Variants in ADAMTS6 observed in about 807,000 individuals in gnomAD.
The protein encoded by ADAMTS6 is ADAM metallopeptidase with thrombospondin type 1 motif 6, also known as A disintegrin and metalloproteinase with thrombospondin motifs 6.
Under a neutral mutation model 144.3 loss-of-function variants are expected in ADAMTS6, and 23 were observed. The ratio of observed to expected loss-of-function variants is 0.16; its 90% CI spans 0.11 to 0.23. The LOEUF is 0.23. Among genes scored for constraint, ADAMTS6 ranks in the 10% least tolerant of loss-of-function variants. The pLI is 1.00. For missense variants in ADAMTS6, 999 were observed against 1,379.6 expected (o/e 0.72, Z 4.37); for synonymous variants, 444 against 457.5 (o/e 0.97, Z 0.38).
At chr5:65,350,293 A>G (rs879856948) in intron 7 of ADAMTS6, among the ~76,000 whole-genome samples, 2 of 152,206 alleles carry the variant, frequency 1.3e-5, no homozygotes, top group African/African-American at 2.4e-5. Context: ...GATTGAGAAC[A>G]TCTGGCCTCC....
At chr5:65,249,869 G>A (rs1283050518) in intron 14 of ADAMTS6, among the ~76,000 whole-genome samples, 5 of 152,208 alleles carry the variant, frequency 3.3e-5, no homozygotes, top group African/African-American at 9.6e-5. Flanking sequence ...GGCAAGATGT[G>A]TAGTTTCAGA....
chr5:65,421,112 G>A (rs954566272), intron 7 of ADAMTS6, among the ~76,000 whole-genome samples: 1 of 152,162 alleles, frequency 6.6e-6, no homozygotes, highest in South Asian at 2.1e-4. Flanking sequence ...TCACCACGTT[G>A]ACTGTTATCA....
chr5:65,379,999 C>G (rs1416997149), intron 7 of ADAMTS6, among the ~76,000 whole-genome samples: 1 of 152,028 alleles, frequency 6.6e-6, no homozygotes, highest in African/African-American at 2.4e-5. Context: ...CTTACTGACT[C>G]ATGACGACTG....
intron 7 of ADAMTS6, among the ~76,000 whole-genome samples, chr5:65,425,046 G>C (rs1756393823): frequency 6.6e-6 from 1 of 152,090 alleles, no homozygotes; most frequent in Non-Finnish European, 1.5e-5. Flanking sequence ...GCCCAGGCTG[G>C]AGTGCAATGG....
At chr5:65,255,481 A>G (rs1760568035) in intron 14 of ADAMTS6, among the ~76,000 whole-genome samples, 1 of 152,052 alleles carries the variant, frequency 6.6e-6, no homozygotes, top group Non-Finnish European at 1.5e-5. Flanking sequence ...CTTAGCTCCC[A>G]CTTATGGCTG....
At chr5:65,253,011 C>T (rs1284225236) in intron 14 of ADAMTS6, among the ~76,000 whole-genome samples, 1 of 152,110 alleles carries the variant, frequency 6.6e-6, no homozygotes, top group African/African-American at 2.4e-5. Flanking sequence ...TTTCAGCCTC[C>T]CAAGTAGCTG....
At chr5:65,258,560 G>A (rs773372036) in intron 14 of ADAMTS6, among the ~76,000 whole-genome samples, 1 of 152,170 alleles carries the variant, frequency 6.6e-6, no homozygotes, top group Non-Finnish European at 1.5e-5. Context: ...GGATAGCAAA[G>A]GGGAATCCTC....
intron 10 of ADAMTS6, among the ~76,000 whole-genome samples, chr5:65,297,782 A>T (rs556949793): frequency 2.6e-5 from 4 of 152,278 alleles, no homozygotes; most frequent in Admixed American, 2.6e-4. Context: ...GATTATAATC[A>T]GATTTGTTTA....
intron 14 of ADAMTS6, among the ~76,000 whole-genome samples, chr5:65,249,140 T>C (rs377694846): frequency 1.7e-4 from 26 of 152,228 alleles, no homozygotes; most frequent in African/African-American, 6.3e-4. Context: ...GCAATTATTA[T>C]ATTGCCTCTC....
intron 7 of ADAMTS6, among the ~76,000 whole-genome samples, chr5:65,422,554 G>A (rs1485629863): frequency 2.0e-5 from 3 of 152,024 alleles, no homozygotes; most frequent in South Asian, 2.1e-4. Flanking sequence ...CCCAGGAGGC[G>A]GAGGTTGCAG....
Position 65,298,774 on chromosome 5 carries a change from C to T in ADAMTS6, c.1370+1211G>A, listed in dbSNP as rs570648461. On this transcript the variant is annotated intron_variant, in intron 10 of 24. Transcript: ENST00000381055. Reference sequence around the variant, plus strand: ...TTACATTAAAAGAGCTCATTTTAAACATTTATCTTTTGATTTGTTTTTTAA... The same window carrying T: ...TTACATTAAAAGAGCTCATTTTAAATATTTATCTTTTGATTTGTTTTTTAA... 5.9e-5 allele frequency among the ~76,000 whole-genome samples: 9 copies of T among 152,098 alleles called. No homozygotes were observed. In the South Asian group the frequency reaches 1.9e-3, roughly 32 times the overall value.
Position 65,473,644 on chromosome 5 carries a change from C to A in ADAMTS6, c.30G>T (p.Trp10Cys). ...ATGAAGCCATGATGAGGCTCAAAAT[C>A]CAGGTCAACGTCTTCCACAAAATTT... Reference protein sequence around the residue: MEILWKTLTWILSLIMASSE... With the variant: MEILWKTLTCILSLIMASSE... The change falls in exon 2 of 25, where the codon TGG becomes TGT. Residue 10 changes from tryptophan to cysteine, a missense_variant. By Grantham distance (215) the Trp-to-Cys change is radical. Around this residue, in one of 3 missense-constraint regions of ADAMTS6, gnomAD observed 252 missense variants for 293.7 expected, o/e 0.86. Coordinates refer to ENST00000381055, the MANE Select transcript of ADAMTS6 (RefSeq NM_197941.4). 6.2e-7 allele frequency: 1 copy of A among 1,613,714 alleles called. No homozygotes were observed. The highest frequency in any genetic ancestry group is 8.5e-7 in the Non-Finnish European group (1 of 1,179,694).
At chr5:65,474,555 T>A (rs1760707349) in intron 1 of ADAMTS6, among the ~76,000 whole-genome samples, 1 of 151,970 alleles carries the variant, frequency 6.6e-6, no homozygotes, top group African/African-American at 2.4e-5. Flanking sequence ...AACTCGTGAG[T>A]CAATTTCAAC....
At position 65,241,649 on chromosome 5, in the gene ADAMTS6, T is replaced by C. The variant is rs150857938; in HGVS notation, c.1933+455A>G. Reference sequence around the variant, plus strand: ...TTAAAGAGCAAAAATGTTTTCTAACTCTGAAAAAGAATAACAATAATCTTG... The same window carrying C: ...TTAAAGAGCAAAAATGTTTTCTAACCCTGAAAAAGAATAACAATAATCTTG... On this transcript the variant is annotated intron_variant, in intron 15 of 24. Transcript: ENST00000381055. Among the ~76,000 whole-genome samples, 1,204 of 152,246 alleles carry C rather than the reference T, an allele frequency of 7.9e-3. 15 individuals carry two copies. Among genetic ancestry groups the C allele is most frequent in the African/African-American group, 0.027 (1,126 of 41,530 alleles).
At chr5:65,185,687 C>A (rs148942251) in intron 22 of ADAMTS6, among the ~76,000 whole-genome samples, 235 of 152,236 alleles carry the variant, frequency 1.5e-3, no homozygotes, top group African/African-American at 5.3e-3. Context: ...CCTCTTAGAG[C>A]CATTTGAGTG....
At chr5:65,288,511 G>C (rs992957710) in intron 11 of ADAMTS6, among the ~76,000 whole-genome samples, 12 of 151,792 alleles carry the variant, frequency 7.9e-5, no homozygotes, top group African/African-American at 9.7e-5. Context: ...GTAGAGATGA[G>C]GTTTCACCAT....
chr5:65,346,036 T>G (rs76001857), intron 7 of ADAMTS6, among the ~76,000 whole-genome samples: 2,155 of 152,014 alleles, frequency 0.014, 34 homozygotes, highest in East Asian at 0.083. Context: ...TATGAAATCT[T>G]CTGCTGCATC....
intron 7 of ADAMTS6, among the ~76,000 whole-genome samples, chr5:65,432,936 A>G (rs1324002586): frequency 6.6e-6 from 1 of 152,132 alleles, no homozygotes; most frequent in Non-Finnish European, 1.5e-5. Context: ...GAATGAATCA[A>G]TTAATGAATT....
chr5:65,462,358 G>C (rs1324646719), intron 3 of ADAMTS6, among the ~76,000 whole-genome samples: 1 of 152,152 alleles, frequency 6.6e-6, no homozygotes, highest in African/African-American at 2.4e-5. Flanking sequence ...CAAGAGACTT[G>C]ATTTGCTGGG....
Sources: gnomAD v4.1 joint callset for allele counts (sites outside exome capture counted in the v4.1 genomes callset) on GRCh38, gnomAD v4.1.1 for gene constraint, gnomAD v4.1.1 regional missense constraint, MANE v1.5 for transcripts, NCBI Gene and HGNC (gene_info 2026-07-23, HGNC 2026-07-21) for gene names.